Variants in PARP1 observed in about 807,000 individuals in gnomAD.
The protein encoded by PARP1 is poly(ADP-ribose) polymerase 1.
In PARP1, 44 loss-of-function variants were observed where a neutral mutation model predicts 118.7. The observed-to-expected ratio is 0.37, with a 90% confidence interval of 0.29 to 0.48. PARP1 has a LOEUF of 0.48. Among genes scored for constraint, PARP1 ranks in the 20% least tolerant of loss-of-function variants. PARP1 has a pLI of 0.99. For synonymous variants in PARP1, 492 were observed against 483.2 expected (o/e 1.02, Z -0.24); for missense variants, 1,100 against 1,272.4 (o/e 0.86, Z 2.06).
chr1:226,393,117 C>G, intron 2 of PARP1: 2 of 860,316 alleles, frequency 2.3e-6, no homozygotes, highest in Non-Finnish European at 3.2e-6. Flanking sequence ...TTAAAACCTA[C>G]TAAATTAAGT....
chr1:226,405,778 G>A (rs946160582), intron 1 of PARP1, among the ~76,000 whole-genome samples: 19 of 152,132 alleles, frequency 1.2e-4, no homozygotes, highest in Admixed American at 1.2e-3. Flanking sequence ...TAAGGCGCCT[G>A]GATGTCCCTT....
At chr1:226,392,352 GC>G in intron 2 of PARP1, 38 bp from the exon 3 acceptor site, 1 of 1,445,846 alleles carries the variant, frequency 6.9e-7, no homozygotes, top group Non-Finnish European at 9.7e-7. Flanking sequence ...CATCTCAACA[GC>G]CCCAAAATGC....
intron 6 of PARP1, 96 bp from the exon 7 acceptor site, chr1:226,385,776 T>C: frequency 9.0e-7 from 1 of 1,115,018 alleles, no homozygotes; most frequent in Non-Finnish European, 1.4e-6. Flanking sequence ...CAGATTCCAC[T>C]CACTACAAAG....
At chr1:226,364,290 G>A in intron 19 of PARP1, 15 of 532,770 alleles carry the variant, frequency 2.8e-5, no homozygotes, top group Admixed American at 4.9e-5. Context: ...AAGAAGCTAC[G>A]TAACCTCTCT....
Position 226,386,420 on chromosome 1 carries a change from T to C in PARP1, c.740A>G (p.Asn247Ser). Residue 247 changes from asparagine to serine, a missense_variant, in exon 6 of 23, where the codon AAC becomes AGC. Physicochemically the swap from Asn to Ser is conservative, Grantham distance 46. Transcript: ENST00000366794. ...CACTTTCTTTAGCTCGTCCTTGATG[T>C]TCCAGATCAGGTCGTTCTGAGCCTA... The part of the protein sequence containing the change: ...ALKAQNDLIW[N>S]IKDELKKVCS... 2.5e-6 allele frequency: 4 copies of C among 1,613,512 alleles called. No homozygotes were observed. The highest frequency in any genetic ancestry group is 3.4e-6 in the Non-Finnish European group (4 of 1,179,384).
intron 12 of PARP1, 48 bp downstream of exon 12, chr1:226,379,093 AG>A: frequency 6.2e-7 from 1 of 1,612,854 alleles, no homozygotes; most frequent in Non-Finnish European, 8.5e-7. Flanking sequence ...TAACCAATGC[AG>A]GACGGGCCCA....
chr1:226,370,607 C>G (rs1457542119), intron 14 of PARP1, 90 bp from the exon 15 acceptor site: 1 of 999,990 alleles, frequency 1.0e-6, no homozygotes, highest in Non-Finnish European at 1.6e-6. Flanking sequence ...CCTCAGGCCC[C>G]CAACAGGAGC....
intron 6 of PARP1, 103 bp from the exon 7 acceptor site, chr1:226,385,783 AAAG>A (rs1664704683): frequency 1.9e-6 from 2 of 1,066,630 alleles, no homozygotes; most frequent in Admixed American, 1.8e-5. Context: ...CACTCACTAC[AAAG>A]AAGAGAGGCT....
Position 226,380,011 on chromosome 1 carries a change from A to C in PARP1, c.1454T>G (p.Val485Gly), listed in dbSNP as rs751855487. 1.9e-6 allele frequency: 3 copies of C among 1,613,612 alleles called. No individual in the cohort carries two copies. Among genetic ancestry groups the C allele is most frequent in the Non-Finnish European group, 2.5e-6 (3 of 1,179,918 alleles). Reference sequence around the variant, plus strand: ...CACAACTTCAACAGGCTCTGCCTTCACCTCTGCCCCCCAAGGGGACAAGAT... The same window carrying C: ...CACAACTTCAACAGGCTCTGCCTTCCCCTCTGCCCCCCAAGGGGACAAGAT... ...AHILSPWGAE[V>G]KAEPVEVVAP... is the part of the protein sequence containing the mutation. The change falls in exon 10 of 23, where the codon GTG becomes GGG. Residue 485 changes from valine (V) to glycine (G), a missense_variant. Coordinates refer to ENST00000366794, the MANE Select transcript of PARP1 (RefSeq NM_001618.4).
At chr1:226,386,281 G>T in intron 6 of PARP1, 45 bp downstream of exon 6, 1 of 1,140,560 alleles carries the variant, frequency 8.8e-7, no homozygotes, top group Non-Finnish European at 1.3e-6. Context: ...ACAACGACGG[G>T]GTCGGCCTCA....
At chr1:226,402,004 A>C in intron 2 of PARP1, 1 of 1,482,870 alleles carries the variant, frequency 6.7e-7, no homozygotes, top group Non-Finnish European at 9.0e-7. Flanking sequence ...CTACATTCCA[A>C]GCACCTGGAA....
intron 3 of PARP1, among the ~76,000 whole-genome samples, chr1:226,391,403 T>A (rs757523539): frequency 2.0e-5 from 3 of 152,086 alleles, no homozygotes; most frequent in Non-Finnish European, 4.4e-5. Flanking sequence ...GGCCTGATAT[T>A]CCCAGGAGAG....
chr1:226,365,047 C>T lies in PARP1; in HGVS notation c.2613G>A (p.Gly871=). 2 of 1,614,200 alleles carry T rather than the reference C, an allele frequency of 1.2e-6. No individual in the cohort carries two copies. The highest frequency in any genetic ancestry group is 1.7e-6 in the Non-Finnish European group (2 of 1,180,042). The change falls in exon 19 of 23, where the codon GGG becomes GGA. Residue 871 remains glycine, a synonymous_variant. Coordinates refer to ENST00000366794, the MANE Select transcript of PARP1 (RefSeq NM_001618.4). ...CTATCCGAAGACCCTGGGACAGGATCCCAGCAAAGTTGGTGGTCCTGGACC... is the reference window on the plus strand; with the variant it reads ...CTATCCGAAGACCCTGGGACAGGATTCCAGCAAAGTTGGTGGTCCTGGACC... ...WHGSRTTNFA[G]ILSQGLRIAP...
intron 13 of PARP1, among the ~76,000 whole-genome samples, chr1:226,376,239 T>C (rs1272886687): frequency 6.6e-6 from 1 of 152,220 alleles, no homozygotes; most frequent in Non-Finnish European, 1.5e-5. Flanking sequence ...TGTTTTCTTT[T>C]ATCTGATTAA....
At chr1:226,377,438 C>T (rs1290858484) in intron 12 of PARP1, 135 bp from the exon 13 acceptor site, 2 of 710,520 alleles carry the variant, frequency 2.8e-6, no homozygotes, top group Non-Finnish European at 5.2e-6. Context: ...TAACACAGAA[C>T]AAACACAACT....
intron 21 of PARP1, among the ~76,000 whole-genome samples, chr1:226,362,472 C>G (rs1283628405): frequency 2.0e-5 from 3 of 152,212 alleles, no homozygotes; most frequent in African/African-American, 7.2e-5. Flanking sequence ...CATGCTCTAT[C>G]TTTCTTCAGA....
At chr1:226,392,373 G>T in intron 2 of PARP1, 59 bp from the exon 3 acceptor site, 1 of 1,225,482 alleles carries the variant, frequency 8.2e-7, no homozygotes, top group South Asian at 1.2e-5. Context: ...CAGCTCAGAG[G>T]AGCCCCGTCC....
At chr1:226,392,948 C>T in intron 2 of PARP1, 1 of 1,571,546 alleles carries the variant, frequency 6.4e-7, no homozygotes, top group Non-Finnish European at 8.6e-7. Flanking sequence ...AGCTATCTTC[C>T]CATCACTTCT....
intron 1 of PARP1, among the ~76,000 whole-genome samples, chr1:226,405,433 A>G (rs1441757071): frequency 6.6e-6 from 1 of 152,054 alleles, no homozygotes; most frequent in Non-Finnish European, 1.5e-5. Context: ...CCTCCGGAGT[A>G]GCTGGGACTT....
Sources: gnomAD v4.1 joint callset for allele counts (sites outside exome capture counted in the v4.1 genomes callset) on GRCh38, gnomAD v4.1.1 for gene constraint, MANE v1.5 for transcripts, NCBI Gene and HGNC (gene_info 2026-07-23, HGNC 2026-07-21) for gene names.